TMPRSS15: variants seen among roughly 807,000 people sequenced by gnomAD.
TMPRSS15 encodes the protein transmembrane serine protease 15, also known as enteropeptidase.
TMPRSS15 carries 128 observed loss-of-function variants against 125.3 expected under a neutral mutation model. The ratio of observed to expected loss-of-function variants is 1.02; its 90% CI spans 0.89 to 1.18. TMPRSS15 has a LOEUF of 1.18. Ranked by LOEUF, TMPRSS15 falls within the 50% of genes most tolerant of loss-of-function variation. TMPRSS15 has a pLI of 0.00. For missense variants in TMPRSS15, 1,283 were observed against 1,212.7 expected, an observed-to-expected ratio of 1.06 and a Z score of -0.86; for synonymous variants, 446 against 423.2, an observed-to-expected ratio of 1.05 and a Z score of -0.66.
Position 18,397,869 on chromosome 21 carries a change from C to G in TMPRSS15, c.344+10G>C, listed in dbSNP as rs781339388. The stretch of plus-strand genomic sequence containing the variant: ...TTTCCATCAGTAGAAAATTTTTGAG[C>G]TATACTCACTCAAATTGTAAAACTC... On this transcript the variant is annotated intron_variant, in intron 3 of 24. Transcript: ENST00000284885. 2.2e-4 allele frequency: 332 copies of G among 1,501,342 alleles called. No individual in the cohort carries two copies. Among genetic ancestry groups the G allele is most frequent in the Non-Finnish European group, 2.8e-4 (309 of 1,098,790 alleles). The allele number at this position is 1,501,342 out of a possible 1,614,324, so 93.0% of individuals were successfully genotyped here. A position where few individuals can be genotyped will look rare whatever the true frequency, so the allele number is the denominator to read the frequency against.
chr21:18,403,514 C>T lies in TMPRSS15; in HGVS notation c.109G>A (p.Ala37Thr). ...TCCTTGATTGTCAGGCAGGATACTG[C>T]AATTAATCCAGCACAGAGCACTACC... ...ILVVLCAGLIAVSCLTIKESQ... is the reference protein window; with the variant it reads ...ILVVLCAGLITVSCLTIKESQ... Residue 37 changes from alanine (A) to threonine (T), a missense_variant, in exon 1 of 25, where the codon GCA becomes ACA. Physicochemically the swap from Ala to Thr is moderately conservative, Grantham distance 58. Transcript: ENST00000284885. 1.2e-6 allele frequency: 2 copies of T among 1,614,156 alleles called. No homozygotes were observed. The highest frequency in any genetic ancestry group is 1.7e-6 in the Non-Finnish European group (2 of 1,180,006).
intron 21 of TMPRSS15, among the ~76,000 whole-genome samples, chr21:18,283,727 C>T (rs1310993273): frequency 6.6e-6 from 1 of 151,980 alleles, no homozygotes; most frequent in Non-Finnish European, 1.5e-5. Flanking sequence ...TATAGAAGTT[C>T]AGAGAGGTGC....
intron 3 of TMPRSS15, among the ~76,000 whole-genome samples, chr21:18,391,918 A>C (rs1369008787): frequency 6.6e-6 from 1 of 152,202 alleles, no homozygotes; most frequent in Non-Finnish European, 1.5e-5. Flanking sequence ...GGAAGTTGCC[A>C]AAGTGTAGAG....
At chr21:18,431,475 C>A (rs2123211938) in intron 1 of TMPRSS15, among the ~76,000 whole-genome samples, 1 of 152,110 alleles carries the variant, frequency 6.6e-6, no homozygotes. Flanking sequence ...TGTTTCTTTT[C>A]TTTCTTTGTC....
intron 14 of TMPRSS15, among the ~76,000 whole-genome samples, chr21:18,331,072 CA>C (rs34006357): frequency 0.034 from 3,004 of 89,668 alleles, 56 homozygotes; most frequent in African/African-American, 0.1. Flanking sequence ...GACTCCATCT[CA>C]AAAAAAAAAA....
At chr21:18,283,096 A>C (rs1477614342) in intron 21 of TMPRSS15, among the ~76,000 whole-genome samples, 2 of 152,124 alleles carry the variant, frequency 1.3e-5, no homozygotes, top group Non-Finnish European at 2.9e-5. Flanking sequence ...AGGTCAGAGG[A>C]ATCTGTACTT....
At chr21:18,356,019 A>G (rs946010775) in intron 8 of TMPRSS15, among the ~76,000 whole-genome samples, 1 of 151,914 alleles carries the variant, frequency 6.6e-6, no homozygotes, top group Non-Finnish European at 1.5e-5. Flanking sequence ...CTTTTTTCCT[A>G]TATCACAACT....
chr21:18,283,643 G>A (rs1190990307), intron 21 of TMPRSS15, among the ~76,000 whole-genome samples: 4 of 151,942 alleles, frequency 2.6e-5, no homozygotes, highest in Admixed American at 2.6e-4. Context: ...GTTAACAGAG[G>A]ACATGTCATT....
chr21:18,289,048 A>G (rs1427406573), intron 21 of TMPRSS15, among the ~76,000 whole-genome samples: 1 of 152,182 alleles, frequency 6.6e-6, no homozygotes, highest in Non-Finnish European at 1.5e-5. Context: ...TTGAATTGAT[A>G]TATGTCCTGT....
chr21:18,478,770 ATCT>A (rs1188919745), intron 1 of TMPRSS15, among the ~76,000 whole-genome samples: 5 of 152,002 alleles, frequency 3.3e-5, no homozygotes, highest in Non-Finnish European at 7.4e-5. Context: ...AGGTGAAGCA[ATCT>A]TCTCACATTT....
At chr21:18,431,666 A>C (rs548721891) in intron 1 of TMPRSS15, among the ~76,000 whole-genome samples, 49 of 152,254 alleles carry the variant, frequency 3.2e-4, no homozygotes, top group African/African-American at 1.1e-3. Flanking sequence ...ATTATAATTA[A>C]ATAACTTGAA....
At chr21:18,462,135 T>C (rs1042085154) in intron 1 of TMPRSS15, among the ~76,000 whole-genome samples, 4 of 152,146 alleles carry the variant, frequency 2.6e-5, no homozygotes, top group African/African-American at 9.7e-5. Context: ...ATATATTTCA[T>C]ATTTTGAGAA....
chr21:18,273,454 T>A (rs968657071), intron 24 of TMPRSS15, among the ~76,000 whole-genome samples: 1 of 152,178 alleles, frequency 6.6e-6, no homozygotes, highest in African/African-American at 2.4e-5. Context: ...TATGATAACA[T>A]TTTATTATAC....
intron 10 of TMPRSS15, among the ~76,000 whole-genome samples, chr21:18,347,229 T>A (rs1000050308): frequency 2.0e-5 from 3 of 152,082 alleles, no homozygotes; most frequent in Non-Finnish European, 2.9e-5. Flanking sequence ...TTCGGCATAT[T>A]CTGTCATGTA....
intron 6 of TMPRSS15, among the ~76,000 whole-genome samples, chr21:18,370,334 A>G (rs778939519): frequency 7.2e-5 from 11 of 152,156 alleles, no homozygotes; most frequent in Admixed American, 1.3e-4. Context: ...ACAAAATAAT[A>G]GGTACAGTAC....
At chr21:18,335,711 TA>T (rs2075385018) in intron 13 of TMPRSS15, among the ~76,000 whole-genome samples, 1 of 152,244 alleles carries the variant, frequency 6.6e-6, no homozygotes, top group Non-Finnish European at 1.5e-5. Flanking sequence ...AAAGAATTGG[TA>T]AAAACACTTT....
chr21:18,326,640 A>G lies in TMPRSS15; in HGVS notation c.1781-68T>C, dbSNP rs866953504. 8.1e-5 allele frequency: 129 copies of G among 1,592,030 alleles called. No individual in the cohort carries two copies. In the Middle Eastern group the frequency reaches 4.5e-3, roughly 56 times the overall value. ...GGATCTAGAAGGAAATGTACCCCAC[A>G]TCTCAGTTCCCTCTGCCAGACGTAG... On this transcript the variant is annotated intron_variant, in intron 15 of 24. Coordinates refer to ENST00000284885, the MANE Select transcript of TMPRSS15 (RefSeq NM_002772.3).
chr21:18,372,996 A>T (rs1013747141), intron 5 of TMPRSS15, among the ~76,000 whole-genome samples: 2 of 152,188 alleles, frequency 1.3e-5, no homozygotes, highest in Non-Finnish European at 2.9e-5. Context: ...AAAGACTTTT[A>T]AAAAAAATTT....
At chr21:18,342,638 TC>T (rs1421117171) in intron 12 of TMPRSS15, among the ~76,000 whole-genome samples, 1 of 152,164 alleles carries the variant, frequency 6.6e-6, no homozygotes, top group African/African-American at 2.4e-5. Context: ...CTTTCCATTT[TC>T]CCTTACCCTT....
Sources: gnomAD v4.1 joint callset for allele counts (sites outside exome capture counted in the v4.1 genomes callset) on GRCh38, gnomAD v4.1.1 for gene constraint, MANE v1.5 for transcripts, NCBI Gene and HGNC (gene_info 2026-07-23, HGNC 2026-07-21) for gene names.